The following ANKFN1 variants were observed in gnomAD, a reference collection of about 807,000 sequenced individuals.
The protein encoded by ANKFN1 is ankyrin repeat and fibronectin type III domain containing 1.
In ANKFN1, 74 loss-of-function variants were observed where a neutral mutation model predicts 108.7. The ratio of observed to expected loss-of-function variants is 0.68; its 90% CI spans 0.56 to 0.83. The LOEUF is 0.83. Among genes scored for constraint, ANKFN1 ranks in the 40% least tolerant of loss-of-function variants. ANKFN1 has a pLI of 0.00. For synonymous variants in ANKFN1, 547 were observed against 516.2 expected, an observed-to-expected ratio of 1.06 and a Z score of -0.81; for missense variants, 1,505 against 1,382.3, an observed-to-expected ratio of 1.09 and a Z score of -1.41.
chr17:56,236,610 T>C (rs1226010614), intron 3 of ANKFN1, among the ~76,000 whole-genome samples: 1 of 152,206 alleles, frequency 6.6e-6, no homozygotes, highest in African/African-American at 2.4e-5. Context: ...TGGGGTTTTC[T>C]AGATACGGAA....
intron 3 of ANKFN1, among the ~76,000 whole-genome samples, chr17:56,300,675 C>G (rs1321576749): frequency 1.3e-5 from 2 of 151,324 alleles, no homozygotes; most frequent in African/African-American, 4.9e-5. Context: ...GCTCAAGGAG[C>G]AATGCATTTG....
At chr17:56,168,247 A>G (rs1190636456) in intron 1 of ANKFN1, among the ~76,000 whole-genome samples, 1 of 144,140 alleles carries the variant, frequency 6.9e-6, no homozygotes, top group Non-Finnish European at 1.5e-5. Context: ...ACAGAGTGAG[A>G]CTCTGTCACA....
At chr17:56,163,808 C>T (rs970128956) in intron 1 of ANKFN1, among the ~76,000 whole-genome samples, 1 of 152,198 alleles carries the variant, frequency 6.6e-6, no homozygotes, top group African/African-American at 2.4e-5. Context: ...ACTTAGAAGA[C>T]AATCTGAACA....
intron 4 of ANKFN1, among the ~76,000 whole-genome samples, chr17:56,115,430 T>C (rs1003525528): frequency 2.6e-5 from 4 of 152,182 alleles, no homozygotes; most frequent in Admixed American, 2.0e-4. Context: ...ATCCAGTATA[T>C]ACCAATCATA....
intron 3 of ANKFN1, among the ~76,000 whole-genome samples, chr17:56,247,447 A>G (rs956020760): frequency 1.3e-5 from 2 of 152,226 alleles, no homozygotes; most frequent in Non-Finnish European, 2.9e-5. Flanking sequence ...CAAACAAATC[A>G]ACAAACAAAA....
chr17:56,277,933 T>C (rs866527852), intron 3 of ANKFN1, among the ~76,000 whole-genome samples: 1 of 152,228 alleles, frequency 6.6e-6, no homozygotes, highest in Non-Finnish European at 1.5e-5. Context: ...TTTCAATATA[T>C]GACTCTACGA....
chr17:56,046,774 C>T (rs549382665), intron 4 of ANKFN1, among the ~76,000 whole-genome samples: 27 of 152,270 alleles, frequency 1.8e-4, no homozygotes, highest in African/African-American at 5.5e-4. Flanking sequence ...ATCTCTGGTT[C>T]TCAGCTGGAG....
chr17:56,116,020 G>A (rs575235925), intron 4 of ANKFN1, among the ~76,000 whole-genome samples: 4 of 152,086 alleles, frequency 2.6e-5, no homozygotes, highest in Admixed American at 6.6e-5. Flanking sequence ...GCACTGCAGT[G>A]GCCAATATGG....
chr17:56,354,643 A>G (rs1310673045), intron 6 of ANKFN1, among the ~76,000 whole-genome samples: 1 of 152,188 alleles, frequency 6.6e-6, no homozygotes, highest in Admixed American at 6.6e-5. Flanking sequence ...TAGGGAAGGG[A>G]CTATTTTAAA....
chr17:56,122,094 G>A (rs2143300775), intron 4 of ANKFN1, among the ~76,000 whole-genome samples: 1 of 152,296 alleles, frequency 6.6e-6, no homozygotes, highest in African/African-American at 2.4e-5. Flanking sequence ...GGCATAGGAG[G>A]AACCTACCCC....
intron 4 of ANKFN1, among the ~76,000 whole-genome samples, chr17:56,104,177 T>C (rs951812317): frequency 6.6e-6 from 1 of 152,184 alleles, no homozygotes; most frequent in African/African-American, 2.4e-5. Flanking sequence ...TTAAACTTCA[T>C]TGCAACCCGT....
In ANKFN1 at chr17:56,302,247, TC is replaced by T. The variant is rs200503399; in HGVS notation, c.54-23973del. On this transcript the variant is annotated intron_variant, in intron 3 of 20. Coordinates refer to ENST00000682825, the MANE Select transcript of ANKFN1 (RefSeq NM_001370326.1). ...GTTAACCTCCAAAGCCTGTACTCTT[TC>T]TTTAAAAGAAAAATGCCGGTAATCC... Among the ~76,000 whole-genome samples, 1,246 of 152,310 alleles carry T rather than the reference TC, an allele frequency of 8.2e-3. 19 individuals are homozygous for T. The highest frequency in any genetic ancestry group is 0.029 in the African/African-American group (1,190 of 41,564).
chr17:56,272,799 C>T (rs8072113), intron 3 of ANKFN1, among the ~76,000 whole-genome samples: 2 of 152,038 alleles, frequency 1.3e-5, no homozygotes, highest in East Asian at 3.9e-4. Context: ...AATGGTGCAC[C>T]GGTTACATTT....
At chr17:56,478,402 C>T (rs1376563623) in intron 16 of ANKFN1, among the ~76,000 whole-genome samples, 4 of 152,124 alleles carry the variant, frequency 2.6e-5, no homozygotes, top group East Asian at 1.9e-4. Flanking sequence ...ATGATTCCCC[C>T]GATCTTAAAA....
At chr17:56,370,290 G>T (rs2046774507) in intron 6 of ANKFN1, among the ~76,000 whole-genome samples, 1 of 152,086 alleles carries the variant, frequency 6.6e-6, no homozygotes, top group Admixed American at 6.6e-5. Flanking sequence ...AAGCCTAGAA[G>T]GAAAGGGAAA....
At chr17:56,272,378 A>G (rs2043815597) in intron 3 of ANKFN1, among the ~76,000 whole-genome samples, 1 of 152,162 alleles carries the variant, frequency 6.6e-6, no homozygotes, top group Non-Finnish European at 1.5e-5. Context: ...TACTCTAGGA[A>G]TCTCATATAA....
chr17:56,306,014 A>G (rs1188107667), intron 3 of ANKFN1, among the ~76,000 whole-genome samples: 4 of 152,160 alleles, frequency 2.6e-5, no homozygotes, highest in Admixed American at 2.0e-4. Flanking sequence ...ATTAATCTAT[A>G]TGTCTATCTC....
intron 6 of ANKFN1, among the ~76,000 whole-genome samples, chr17:56,357,416 C>T (rs537464212): frequency 2.6e-5 from 4 of 152,334 alleles, no homozygotes; most frequent in East Asian, 1.9e-4. Context: ...GACTCAGGCC[C>T]GGATCTGTAG....
At chr17:56,428,281 G>C (rs1451300754) in intron 8 of ANKFN1, among the ~76,000 whole-genome samples, 2 of 151,690 alleles carry the variant, frequency 1.3e-5, no homozygotes, top group Admixed American at 1.3e-4. Context: ...AAAGCACAAG[G>C]CTCCAGTAAA....
Sources: gnomAD v4.1 joint callset for allele counts (sites outside exome capture counted in the v4.1 genomes callset) on GRCh38, gnomAD v4.1.1 for gene constraint, MANE v1.5 for transcripts, NCBI Gene and HGNC (gene_info 2026-07-23, HGNC 2026-07-21) for gene names.